Variants in TMEM232 observed in about 807,000 individuals in gnomAD.
The protein encoded by TMEM232 is transmembrane protein 232.
A neutral mutation model predicts 78.8 loss-of-function variants in TMEM232; 80 were observed. That is an observed-to-expected ratio of 1.01 (90% CI 0.85 to 1.22). TMEM232 has a LOEUF of 1.22. Ranked by LOEUF, TMEM232 falls within the 50% of genes most tolerant of loss-of-function variation. The probability of loss-of-function intolerance (pLI) is 0.00; values close to 1 mark genes in which losing one functional copy is unlikely to be tolerated. For synonymous variants in TMEM232, 297 were observed against 254.3 expected, an observed-to-expected ratio of 1.17 and a Z score of -1.60; for missense variants, 881 against 742.2, an observed-to-expected ratio of 1.19 and a Z score of -2.17.
intron 5 of TMEM232, among the ~76,000 whole-genome samples, chr5:110,633,860 A>T (rs988705492): frequency 6.6e-6 from 1 of 152,210 alleles, no homozygotes. Context: ...ATAATAATGT[A>T]AATGTAAACA....
At chr5:110,650,902 T>G (rs1452131667) in intron 2 of TMEM232, among the ~76,000 whole-genome samples, 1 of 152,078 alleles carries the variant, frequency 6.6e-6, no homozygotes, top group East Asian at 1.9e-4. Context: ...AGAAACTGAG[T>G]GCAGGGTATA....
At chr5:110,486,698 T>A (rs1764500586) in intron 12 of TMEM232, among the ~76,000 whole-genome samples, 1 of 152,188 alleles carries the variant, frequency 6.6e-6, no homozygotes, top group Non-Finnish European at 1.5e-5. Flanking sequence ...ACCAGTGCCA[T>A]GCTGTTAATG....
intron 11 of TMEM232, among the ~76,000 whole-genome samples, chr5:110,543,484 A>G (rs1773414880): frequency 6.6e-6 from 1 of 152,222 alleles, no homozygotes; most frequent in African/African-American, 2.4e-5. Flanking sequence ...AAGATCTGAA[A>G]TCAAGTGTGT....
chr5:110,658,172 G>T (rs1156893057), intron 2 of TMEM232, among the ~76,000 whole-genome samples: 1 of 152,022 alleles, frequency 6.6e-6, no homozygotes, highest in Non-Finnish European at 1.5e-5. Flanking sequence ...ACTGATTTGG[G>T]GTCTGGGCTT....
At position 110,694,558 on chromosome 5, in the gene TMEM232, C is replaced by T. The variant is rs540923858; in HGVS notation, c.-12-27194G>A. 2.0e-5 allele frequency among the ~76,000 whole-genome samples: 3 copies of T among 152,182 alleles called. No homozygotes were observed. In the East Asian group the frequency reaches 5.8e-4, roughly 29 times the overall value. Reference sequence around the variant, plus strand: ...CATCAGTGTGCTGTATTCAGGAAACCCATCTCACGTGCAGAGATACACATA... The same window carrying T: ...CATCAGTGTGCTGTATTCAGGAAACTCATCTCACGTGCAGAGATACACATA... On this transcript the variant is annotated intron_variant, in intron 1 of 13. Transcript: ENST00000455884.
intron 1 of TMEM232, among the ~76,000 whole-genome samples, chr5:110,686,594 A>G (rs1296594676): frequency 6.6e-6 from 1 of 152,118 alleles, no homozygotes; most frequent in African/African-American, 2.4e-5. Context: ...TTAAGCCACT[A>G]AGTTATAGAT....
intron 12 of TMEM232, among the ~76,000 whole-genome samples, chr5:110,471,099 TAAA>T (rs969029120): frequency 6.6e-6 from 1 of 151,608 alleles, no homozygotes; most frequent in African/African-American, 2.4e-5. Context: ...ATGAATAAAA[TAAA>T]AAAGTACAAT....
intron 2 of TMEM232, among the ~76,000 whole-genome samples, chr5:110,661,471 C>T (rs1198246938): frequency 6.6e-6 from 1 of 152,042 alleles, no homozygotes; most frequent in Non-Finnish European, 1.5e-5. Flanking sequence ...CACCACCATG[C>T]CTGGGTGATT....
At chr5:110,535,334 C>T (rs535700229) in intron 11 of TMEM232, among the ~76,000 whole-genome samples, 4 of 151,922 alleles carry the variant, frequency 2.6e-5, no homozygotes, top group African/African-American at 9.7e-5. Flanking sequence ...GTGACCCTCA[C>T]TCCTGCCTGC....
chr5:110,594,996 G>C (rs774222000), intron 10 of TMEM232, among the ~76,000 whole-genome samples: 2 of 152,114 alleles, frequency 1.3e-5, no homozygotes, highest in African/African-American at 2.4e-5. Flanking sequence ...TCCCAGCAGG[G>C]GTCAACAGAC....
intron 1 of TMEM232, among the ~76,000 whole-genome samples, chr5:110,678,860 T>C (rs673080): frequency 0.87 from 131,658 of 152,146 alleles, 57,240 homozygotes; most frequent in Middle Eastern, 0.92. Context: ...CTTAATAGCA[T>C]ATTCATTTTT....
intron 12 of TMEM232, among the ~76,000 whole-genome samples, chr5:110,480,701 C>CTATT (rs1280183525): frequency 6.6e-6 from 1 of 151,950 alleles, no homozygotes; most frequent in African/African-American, 2.4e-5. Flanking sequence ...AAAGATGATT[C>CTATT]TATTTTATAC....
chr5:110,496,468 C>T (rs1240863309), intron 12 of TMEM232, among the ~76,000 whole-genome samples: 3 of 151,628 alleles, frequency 2.0e-5, no homozygotes, highest in African/African-American at 7.3e-5. Context: ...TTTTAGGATG[C>T]CATCGTGTGG....
At chr5:110,545,953 A>G (rs1337084607) in intron 11 of TMEM232, among the ~76,000 whole-genome samples, 2 of 152,164 alleles carry the variant, frequency 1.3e-5, no homozygotes, top group East Asian at 3.8e-4. Flanking sequence ...AACAAAGCAC[A>G]TCAATTAACA....
At chr5:110,726,882 T>C (rs745624560), upstream of TMEM232, 9 of 152,240 alleles carry the variant, frequency 5.9e-5, no homozygotes, top group Non-Finnish European at 1.0e-4. Context: ...ATATTGTACA[T>C]ACTTGCATAT....
chr5:110,548,968 A>G (rs184803780), intron 11 of TMEM232, among the ~76,000 whole-genome samples: 24 of 152,098 alleles, frequency 1.6e-4, no homozygotes, highest in African/African-American at 5.3e-4. Flanking sequence ...ATGTAACAAT[A>G]AAAGTCTCAA....
chr5:110,550,839 C>T (rs1463716081), intron 11 of TMEM232, among the ~76,000 whole-genome samples: 1 of 138,524 alleles, frequency 7.2e-6, no homozygotes, highest in Non-Finnish European at 1.6e-5. Flanking sequence ...TGGAACTTGA[C>T]AAGTTGATTT....
chr5:110,668,154 T>C (rs997508944), intron 1 of TMEM232, among the ~76,000 whole-genome samples: 2 of 152,090 alleles, frequency 1.3e-5, no homozygotes, highest in African/African-American at 4.8e-5. Context: ...ATATGGTACC[T>C]GAATGAAAGA....
intron 8 of TMEM232, among the ~76,000 whole-genome samples, chr5:110,612,652 C>T (rs1782455147): frequency 6.6e-6 from 1 of 152,114 alleles, no homozygotes; most frequent in Non-Finnish European, 1.5e-5. Flanking sequence ...GTCTGGAAAA[C>T]ACTTGCCATG....
Sources: gnomAD v4.1 joint callset for allele counts (sites outside exome capture counted in the v4.1 genomes callset) on GRCh38, gnomAD v4.1.1 for gene constraint, MANE v1.5 for transcripts, NCBI Gene and HGNC (gene_info 2026-07-23, HGNC 2026-07-21) for gene names.